The following RFC3 variants were observed in gnomAD, a reference collection of about 807,000 sequenced individuals.
The protein encoded by RFC3 is replication factor C subunit 3, also known as A1 38 kDa subunit.
Under a neutral mutation model 45.1 loss-of-function variants are expected in RFC3, and 41 were observed. That is an observed-to-expected ratio of 0.91 (90% confidence interval 0.71 to 1.18). RFC3 has a LOEUF of 1.18. Among genes scored for constraint, RFC3 ranks in the 50% most tolerant of loss-of-function variants. The pLI is 0.00. For missense variants in RFC3, 423 were observed against 428.1 expected, an observed-to-expected ratio of 0.99 and a Z score of 0.10; for synonymous variants, 149 against 144.0, an observed-to-expected ratio of 1.03 and a Z score of -0.25.
Position 33,837,426 on chromosome 13 carries a change from C to G in RFC3, c.*1131C>G, listed in dbSNP as rs529560290. ...AATATTTTTGTATATACTTTTAAAG[C>G]CTATTCACTTGCTGATGGATCTTTG... On this transcript the variant is annotated 3_prime_UTR_variant, in exon 9 of 9. Coordinates refer to ENST00000380071, the MANE Select transcript of RFC3 (RefSeq NM_002915.4). 7.9e-5 allele frequency: 12 copies of G among 152,176 alleles called. No homozygotes were observed. The highest frequency in any genetic ancestry group is 2.9e-4 in the African/African-American group (12 of 41,530). The allele number at this position is 152,176 out of a possible 1,614,324, so 9.4% of individuals were successfully genotyped here. A position where few individuals can be genotyped will look rare whatever the true frequency, so the allele number is the denominator to read the frequency against.
chr13:33,954,922 T>C (rs1296956931), intron 8 of RFC3, among the ~76,000 whole-genome samples: 1 of 152,186 alleles, frequency 6.6e-6, no homozygotes, highest in Admixed American at 6.5e-5. Context: ...CTGTTGCCTC[T>C]TTTCAAAATT....
chr13:33,942,771 C>T (rs1488257716), intron 8 of RFC3, among the ~76,000 whole-genome samples: 2 of 151,690 alleles, frequency 1.3e-5, no homozygotes, highest in Non-Finnish European at 2.9e-5. Flanking sequence ...TTTTTTATCA[C>T]GTTAGCTGTA....
intron 8 of RFC3, among the ~76,000 whole-genome samples, chr13:33,930,267 C>T (rs9570611): frequency 0.094 from 14,339 of 152,144 alleles, 1,296 homozygotes; most frequent in African/African-American, 0.24. Context: ...GCAAGGAAGC[C>T]AGTTGAAGTC....
At chr13:33,884,031 A>G (rs896450361) in intron 8 of RFC3, among the ~76,000 whole-genome samples, 4 of 152,198 alleles carry the variant, frequency 2.6e-5, no homozygotes, top group African/African-American at 7.2e-5. Context: ...CAGAGTGCAT[A>G]TGGCACAGTC....
chr13:33,898,430 G>C (rs1566021004), intron 8 of RFC3, among the ~76,000 whole-genome samples: 1 of 151,778 alleles, frequency 6.6e-6, no homozygotes, highest in Non-Finnish European at 1.5e-5. Flanking sequence ...AAGAAATTAA[G>C]AAGGAAATTT....
downstream of RFC3, among the ~76,000 whole-genome samples, chr13:33,839,973 A>T (rs2082185661): frequency 6.6e-6 from 1 of 152,214 alleles, no homozygotes; most frequent in South Asian, 2.1e-4. Context: ...TTCTGAAGAG[A>T]GATATGTAGT....
intron 8 of RFC3, among the ~76,000 whole-genome samples, chr13:33,904,215 A>G (rs1447546303): frequency 3.3e-5 from 5 of 152,062 alleles, no homozygotes; most frequent in Admixed American, 3.3e-4. Flanking sequence ...CACTTAGAAA[A>G]TATTGACTAA....
intron 4 of RFC3, among the ~76,000 whole-genome samples, chr13:33,828,801 C>A (rs565718298): frequency 6.6e-6 from 1 of 152,296 alleles, no homozygotes; most frequent in Admixed American, 6.5e-5. Context: ...GTTGGGATTA[C>A]AGGCAGATTA....
chr13:33,940,859 T>C (rs1416325560), intron 8 of RFC3, among the ~76,000 whole-genome samples: 1 of 152,230 alleles, frequency 6.6e-6, no homozygotes, highest in African/African-American at 2.4e-5. Context: ...CGTTATGAAC[T>C]CTGTAGCACG....
chr13:33,870,856 G>A (rs1044978308), intron 8 of RFC3, among the ~76,000 whole-genome samples: 2 of 152,176 alleles, frequency 1.3e-5, no homozygotes, highest in Non-Finnish European at 2.9e-5. Flanking sequence ...AATGTCTGGA[G>A]TTTATTATCT....
At chr13:33,869,722 G>T (rs918214616) in intron 8 of RFC3, among the ~76,000 whole-genome samples, 3 of 152,128 alleles carry the variant, frequency 2.0e-5, no homozygotes, top group African/African-American at 7.2e-5. Flanking sequence ...GGGAAAGTGG[G>T]GAGAGAGACA....
At chr13:33,821,420 T>C (rs1434553276) in intron 2 of RFC3, 151 bp downstream of exon 2, 1 of 749,122 alleles carries the variant, frequency 1.3e-6, no homozygotes, top group African/African-American at 1.8e-5. Flanking sequence ...TGAGAGCTAC[T>C]GATATGGATC....
At chr13:33,942,659 G>A (rs959899712) in intron 8 of RFC3, among the ~76,000 whole-genome samples, 58 of 152,254 alleles carry the variant, frequency 3.8e-4, no homozygotes, top group African/African-American at 1.3e-3. Context: ...CAATACAGGA[G>A]CAGAATAAAT....
intron 8 of RFC3, among the ~76,000 whole-genome samples, chr13:33,868,572 C>A (rs1161359703): frequency 2.0e-5 from 3 of 152,190 alleles, no homozygotes; most frequent in African/African-American, 7.2e-5. Flanking sequence ...CCTATCACAA[C>A]TAATCAGACT....
At chr13:33,867,984 A>G (rs968279668) in intron 8 of RFC3, among the ~76,000 whole-genome samples, 3 of 152,192 alleles carry the variant, frequency 2.0e-5, no homozygotes, top group Non-Finnish European at 4.4e-5. Context: ...ATCCAACAGA[A>G]ATAGAGAGGA....
intron 8 of RFC3, among the ~76,000 whole-genome samples, chr13:33,938,848 A>G (rs938180664): frequency 2.0e-5 from 3 of 152,196 alleles, no homozygotes; most frequent in African/African-American, 7.2e-5. Context: ...ACAGTTTTCC[A>G]AAGTGATTAT....
intron 8 of RFC3, among the ~76,000 whole-genome samples, chr13:33,949,137 G>A (rs185637154): frequency 6.6e-6 from 1 of 152,210 alleles, no homozygotes; most frequent in East Asian, 1.9e-4. Flanking sequence ...ACAGGTAGAG[G>A]TAATTGGAGC....
chr13:33,936,778 T>A (rs116951016), intron 8 of RFC3, among the ~76,000 whole-genome samples: 1,773 of 152,242 alleles, frequency 0.012, 11 homozygotes, highest in Non-Finnish European at 0.018. Flanking sequence ...AAACTTCAGT[T>A]ATTGTGAGCC....
At chr13:33,820,487 T>G (rs1025178201) in intron 1 of RFC3, among the ~76,000 whole-genome samples, 2 of 152,334 alleles carry the variant, frequency 1.3e-5, no homozygotes, top group Admixed American at 6.5e-5. Flanking sequence ...TTATGTTGGC[T>G]TTAAGAGTTT....
Sources: gnomAD v4.1 joint callset for allele counts (sites outside exome capture counted in the v4.1 genomes callset) on GRCh38, gnomAD v4.1.1 for gene constraint, MANE v1.5 for transcripts, NCBI Gene and HGNC (gene_info 2026-07-23, HGNC 2026-07-21) for gene names.